LRP2BP: variants seen among roughly 807,000 people sequenced by gnomAD.
The protein encoded by LRP2BP is LRP2-binding protein.
LRP2BP carries 38 observed loss-of-function variants against 45.2 expected under a neutral mutation model. That is an observed-to-expected ratio of 0.84 (90% CI 0.65 to 1.10). The LOEUF is 1.10. Among genes scored for constraint, LRP2BP ranks in the 50% least tolerant of loss-of-function variants. The pLI, the probability that LRP2BP is intolerant of heterozygous loss-of-function variation, is 0.00. For synonymous variants in LRP2BP, 153 were observed against 153.9 expected, an observed-to-expected ratio of 0.99 and a Z score of 0.04; for missense variants, 385 against 418.9, an observed-to-expected ratio of 0.92 and a Z score of 0.71.
Position 185,364,031 on chromosome 4 carries a change from C to T in LRP2BP, c.*3149G>A, listed in dbSNP as rs1229668965. The T allele has an allele frequency of 6.6e-6, 1 of 152,620 alleles. No homozygotes were observed. The highest frequency in any genetic ancestry group is 6.5e-5 in the Admixed American group (1 of 15,282). 9.5% of individuals were successfully genotyped at this position (152,620 alleles called of 1,614,324 possible). A position where few individuals can be genotyped will look rare whatever the true frequency, so the allele number is the denominator to read the frequency against. ...AGAGGTTGAAACTCTACAGGCTGTTCAAATATTTATCAAATGCCTTTTTAG... is the reference window on the plus strand; with the variant it reads ...AGAGGTTGAAACTCTACAGGCTGTTTAAATATTTATCAAATGCCTTTTTAG... On this transcript the variant is annotated 3_prime_UTR_variant, in exon 9 of 9. Transcript: ENST00000505916.
At chr4:185,389,754 CTTT>C (rs2095483270) in intron 1 of LRP2BP, among the ~76,000 whole-genome samples, 1 of 152,130 alleles carries the variant, frequency 6.6e-6, no homozygotes, top group African/African-American at 2.4e-5. Context: ...TCCTTACCTT[CTTT>C]AAGTGAAAGA....
chr4:185,371,278 G>A (rs904851254), intron 7 of LRP2BP, among the ~76,000 whole-genome samples: 3 of 152,100 alleles, frequency 2.0e-5, no homozygotes, highest in South Asian at 2.1e-4. Context: ...GGTGGCTCAC[G>A]CCTGTAATCC....
Position 185,375,661 on chromosome 4 carries a change from G to GT in LRP2BP, c.281dup (p.Tyr94Ter). Residue 94 changes from tyrosine (Y) to a stop codon, truncating the protein, a stop_gained and frameshift_variant, in exon 4 of 9, where the codon TAC becomes TAAC. Coordinates refer to ENST00000505916, the MANE Select transcript of LRP2BP (RefSeq NM_001377440.1). LOFTEE classifies it high-confidence loss of function. ...CATCATAGTACATCACTCCTAGCTG[G>GT]TAAGTTGCTTGATGGTCTTTCTCCT... ...EIKEKDHQAT[Y>*]QLGVMYYDGL... 3 of 1,611,946 alleles carry GT rather than the reference G, an allele frequency of 1.9e-6. No homozygotes were observed. The highest frequency in any genetic ancestry group is 2.5e-6 in the Non-Finnish European group (3 of 1,179,388).
At chr4:185,392,602 TA>T (rs200020209) in intron 1 of LRP2BP, among the ~76,000 whole-genome samples, 12 of 147,552 alleles carry the variant, frequency 8.1e-5, no homozygotes, top group East Asian at 3.9e-4. Flanking sequence ...TGTAGATGTT[TA>T]AAAAAAAAAA....
rs2095387965 is a variant in LRP2BP at position 185,366,329 on chromosome 4, G to A, written c.*851C>T. 6.6e-6 allele frequency: 1 copy of A among 152,186 alleles called. No individual in the cohort carries two copies. The highest frequency in any genetic ancestry group is 1.5e-5 in the Non-Finnish European group (1 of 68,022). The allele number at this position is 152,186 out of a possible 1,614,324, so 9.4% of individuals were successfully genotyped here. ...ACAGGGTTTTAAAAATATGGAAAAT[G>A]AGCTGAAGCACAAAGAAACAATTTG... On this transcript the variant is annotated 3_prime_UTR_variant, in exon 9 of 9. Transcript: ENST00000505916.
chr4:185,375,487 A>AAAAAAAAAATATGTAT (rs1554018308), intron 4 of LRP2BP, 126 bp downstream of exon 4: 1 of 12,010 alleles, frequency 8.3e-5, no homozygotes, highest in Non-Finnish European at 1.5e-4. Context: ...AAAAAAAAAA[A>AAAAAAAAAATATGTAT]ATATATATAT....
chr4:185,378,322 A>T (rs1386430689), intron 1 of LRP2BP, 115 bp from the exon 2 acceptor site: 10 of 1,460,194 alleles, frequency 6.8e-6, no homozygotes, highest in Admixed American at 2.8e-5. Context: ...CTCATCGCCT[A>T]GATAGAACAC....
chr4:185,365,878 C>T lies in LRP2BP; in HGVS notation c.*1302G>A, dbSNP rs2095386507. 1 of 151,986 alleles carries T rather than the reference C, an allele frequency of 6.6e-6. No homozygotes were observed. Among genetic ancestry groups the T allele is most frequent in the South Asian group, 2.1e-4 (1 of 4,828 alleles). The allele number at this position is 151,986 out of a possible 1,614,324, so 9.4% of individuals were successfully genotyped here. A position where few individuals can be genotyped will look rare whatever the true frequency, so the allele number is the denominator to read the frequency against. On this transcript the variant is annotated 3_prime_UTR_variant, in exon 9 of 9. Transcript: ENST00000505916. ...ACCCGAGTCTGTTGAAATTTCTTCC[C>T]TTACACAAAGACAAAATGAAGTTCA...
At chr4:185,370,574 T>C in intron 8 of LRP2BP, 66 bp downstream of exon 8, 1 of 1,527,038 alleles carries the variant, frequency 6.5e-7, no homozygotes, top group Middle Eastern at 2.0e-4. Flanking sequence ...GTAAAACTAT[T>C]CAAGTTGCAG....
At chr4:185,369,766 C>T (rs950562615) in intron 8 of LRP2BP, 17 of 446,584 alleles carry the variant, frequency 3.8e-5, no homozygotes, top group South Asian at 1.3e-4. Context: ...TCAACAAATA[C>T]GCTTCTGTCT....
chr4:185,368,876 C>T (rs1397648318), intron 8 of LRP2BP, among the ~76,000 whole-genome samples: 2 of 151,582 alleles, frequency 1.3e-5, no homozygotes, highest in African/African-American at 2.4e-5. Context: ...TCACTGCAGC[C>T]TCCTCCTTGC....
In LRP2BP at chr4:185,370,763, T is replaced by G; in HGVS notation, c.855A>C (p.Thr285=). 1 of 1,614,140 alleles carries G rather than the reference T, an allele frequency of 6.2e-7. No homozygotes were observed. The highest frequency in any genetic ancestry group is 1.1e-5 in the South Asian group (1 of 91,088). The change falls in exon 8 of 9, where the codon ACA becomes ACC. Residue 285 remains threonine (T), a synonymous_variant. Coordinates refer to ENST00000505916, the MANE Select transcript of LRP2BP (RefSeq NM_001377440.1). The stretch of plus-strand genomic sequence containing the variant: ...TGCCGATGAACTCCGGGAGACAGTC[T>G]GTGACCTGGGCGATCATGGGGATGT... ...VHDIPMIAQV[T]DCLPEFIGRG...
Position 185,395,054 on chromosome 4 carries a change from T to C in LRP2BP, c.-297A>G, listed in dbSNP as rs1011806539. The C allele has an allele frequency of 1.2e-5, 12 of 984,768 alleles. No homozygotes were observed. Among genetic ancestry groups the C allele is most frequent in the Non-Finnish European group, 1.1e-5 (9 of 829,858 alleles). The allele number at this position is 984,768 out of a possible 1,614,324, so 61.0% of individuals were successfully genotyped here. On this transcript the variant is annotated 5_prime_UTR_variant, in exon 1 of 9. Transcript: ENST00000505916. ...TTCAGTTTATAGTTTCTAGGCCCAT[T>C]ACTAAAGTCAAGTCAGATATCCAGC...
Position 185,395,755 on chromosome 4 carries a change from G to A in LRP2BP, c.-998C>T. 3 of 985,394 alleles carry A rather than the reference G, an allele frequency of 3.0e-6. No individual in the cohort carries two copies. The highest frequency in any genetic ancestry group is 3.6e-6 in the Non-Finnish European group (3 of 829,914). 61.0% of individuals were successfully genotyped at this position (985,394 alleles called of 1,614,324 possible). A position where few individuals can be genotyped will look rare whatever the true frequency, so the allele number is the denominator to read the frequency against. ...ATGAAAAGACCACTTATCTTTAGAG[G>A]ACAAGCATGAACTTGTTTTCTAACA... On this transcript the variant is annotated 5_prime_UTR_variant, in exon 1 of 9. Coordinates refer to ENST00000505916, the MANE Select transcript of LRP2BP (RefSeq NM_001377440.1).
intron 1 of LRP2BP, chr4:185,390,713 A>C (rs1451968497): frequency 1.3e-5 from 2 of 152,170 alleles, no homozygotes; most frequent in Non-Finnish European, 2.9e-5. Context: ...TTACGAGGAA[A>C]TGAAGCGTGT....
At chr4:185,373,232 C>T (rs1260067421) in intron 6 of LRP2BP, among the ~76,000 whole-genome samples, 153 bp from the exon 7 acceptor site, 1 of 152,214 alleles carries the variant, frequency 6.6e-6, no homozygotes, top group East Asian at 1.9e-4. Flanking sequence ...TTCACACTAG[C>T]ACACATGCCT....
At chr4:185,394,264 TAA>T (rs56883920) in intron 1 of LRP2BP, among the ~76,000 whole-genome samples, 90,350 of 121,324 alleles carry the variant, frequency 0.74, 33,749 homozygotes, top group East Asian at 0.92. Flanking sequence ...GTTTCAGAGT[TAA>T]AAAAAAAAAA....
chr4:185,392,447 G>A (rs1031096775), intron 1 of LRP2BP, among the ~76,000 whole-genome samples: 1 of 152,146 alleles, frequency 6.6e-6, no homozygotes, highest in Non-Finnish European at 1.5e-5. Flanking sequence ...GAGTTATCAA[G>A]GCTGGAAGAA....
chr4:185,383,777 AC>A (rs2095462446), intron 1 of LRP2BP, among the ~76,000 whole-genome samples: 2 of 152,156 alleles, frequency 1.3e-5, no homozygotes, highest in Admixed American at 1.3e-4. Context: ...TGCCTACATG[AC>A]TTGCCCCCAA....
Sources: gnomAD v4.1 joint callset for allele counts (sites outside exome capture counted in the v4.1 genomes callset) on GRCh38, gnomAD v4.1.1 for gene constraint, MANE v1.5 for transcripts, NCBI Gene and HGNC (gene_info 2026-07-23, HGNC 2026-07-21) for gene names.